Variants in POLD1 observed in about 807,000 individuals in gnomAD.
POLD1 encodes the protein DNA polymerase delta catalytic subunit.
In POLD1, 79 loss-of-function variants were observed where a neutral mutation model predicts 129.7. That is an observed-to-expected ratio of 0.61 (90% CI 0.51 to 0.73). The LOEUF (loss-of-function observed/expected upper bound fraction) is 0.73. Ranked by LOEUF, POLD1 falls within the 30% of genes least tolerant of loss-of-function variation. POLD1 has a pLI of 0.00. For synonymous variants in POLD1, 714 were observed against 683.3 expected (o/e 1.04, Z -0.70); for missense variants, 1,338 against 1,595.8 (o/e 0.84, Z 2.75).
rs567133743 is a variant in POLD1, at chr19:50,417,280, T to C, written c.3218+11T>C. 6.4e-6 allele frequency: 10 copies of C among 1,566,132 alleles called. No homozygotes were observed. The Admixed American group carries it at 1.2e-4, about 19-fold the overall frequency. On this transcript the variant is annotated intron_variant, in intron 26 of 26. Transcript: ENST00000440232. ...CGTCATCTGCACCAGGTGTGTGCCA[T>C]GTCCCGACCCTGGGCTGCCCCGCCC...
intron 1 of POLD1, among the ~76,000 whole-genome samples, chr19:50,387,325 G>A (rs559461140): frequency 6.6e-6 from 1 of 152,138 alleles, no homozygotes; most frequent in Admixed American, 6.5e-5. Flanking sequence ...GGCAAGATTG[G>A]ATGAGGTCAT....
rs529612204 is a variant in POLD1 at position 50,385,578 on chromosome 19, G to T, written c.-2+1188G>T. Among the ~76,000 whole-genome samples the T allele has an allele frequency of 2.7e-5, 4 of 149,136 alleles. No homozygotes were observed. The East Asian group carries it at 7.9e-4, about 29-fold the overall frequency. ...GAGTCTTGCTCTGTCACCCAGGCTG[G>T]AATGCAGTGGTGCAAACTCAGCTCA... On this transcript the variant is annotated intron_variant, in intron 1 of 26. Transcript: ENST00000440232.
At chr19:50,388,031 C>G (rs1222289000) in intron 1 of POLD1, among the ~76,000 whole-genome samples, 1 of 152,212 alleles carries the variant, frequency 6.6e-6, no homozygotes, top group Non-Finnish European at 1.5e-5. Context: ...CCGCCACACA[C>G]ATGAGCGATG....
rs34487979 is a variant in POLD1, at chr19:50,388,825, CTTTTTTTTTT to C, written c.-2+4451_-2+4460del. On this transcript the variant is annotated intron_variant, in intron 1 of 26. Coordinates refer to ENST00000440232, the MANE Select transcript of POLD1 (RefSeq NM_002691.4). The stretch of plus-strand genomic sequence containing the variant: ...CCTCTGAAAACTCCAGCAGTTAACT[CTTTTTTTTTT>C]TTTTTTTTTTTTTTTGAGACGGAGT... 6.0e-3 allele frequency among the ~76,000 whole-genome samples: 536 copies of C among 88,932 alleles called. 4 individuals carry two copies. Among genetic ancestry groups the C allele is most frequent in the Middle Eastern group, 0.025 (2 of 80 alleles). 58.3% of individuals were successfully genotyped at this position (88,932 alleles called of 152,430 possible). A position where few individuals can be genotyped will look rare whatever the true frequency, so the allele number is the denominator to read the frequency against.
intron 17 of POLD1, among the ~76,000 whole-genome samples, chr19:50,411,677 A>G (rs928120073): frequency 2.0e-5 from 3 of 152,144 alleles, no homozygotes; most frequent in African/African-American, 7.2e-5. Context: ...TGTCTCTATT[A>G]AAAATACAAA....
chr19:50,395,805 G>T (rs1354784225), intron 1 of POLD1, among the ~76,000 whole-genome samples: 1 of 148,734 alleles, frequency 6.7e-6, no homozygotes, highest in Non-Finnish European at 1.5e-5. Context: ...TATTCTTATT[G>T]AACCACAATA....
intron 10 of POLD1, among the ~76,000 whole-genome samples, chr19:50,404,026 CCG>C (rs1342473481): frequency 6.6e-6 from 1 of 152,074 alleles, no homozygotes; most frequent in African/African-American, 2.4e-5. Flanking sequence ...ATTCCTCTGC[CCG>C]AGTTGCTGTA....
Position 50,415,686 on chromosome 19 carries a change from A to G in POLD1, c.2718-38A>G, listed in dbSNP as rs771867309. ...ACCCTCGCCCCCACCCCCGCCACCC[A>G]CCTGCCCTCACCCACCCGCCACCCC... On this transcript the variant is annotated intron_variant, in intron 21 of 26. Coordinates refer to ENST00000440232, the MANE Select transcript of POLD1 (RefSeq NM_002691.4). 1.6e-5 allele frequency: 8 copies of G among 504,054 alleles called. No homozygotes were observed. Among genetic ancestry groups the G allele is most frequent in the South Asian group, 4.1e-5 (2 of 48,356 alleles). The allele number at this position is 504,054 out of a possible 1,614,324, so 31.2% of individuals were successfully genotyped here.
chr19:50,391,253 C>T (rs2038154708), intron 1 of POLD1, among the ~76,000 whole-genome samples: 1 of 150,958 alleles, frequency 6.6e-6, no homozygotes, highest in African/African-American at 2.5e-5. Flanking sequence ...ACTTCCCAGA[C>T]TGGGCGGCCA....
At chr19:50,408,730 G>A in intron 14 of POLD1, 55 bp from the exon 15 acceptor site, 1 of 1,599,314 alleles carries the variant, frequency 6.3e-7, no homozygotes, top group Non-Finnish European at 8.5e-7. Context: ...GACAGGGCGG[G>A]GGCGGCATGG....
intron 10 of POLD1, among the ~76,000 whole-genome samples, chr19:50,403,955 G>C (rs2038768303): frequency 6.6e-6 from 1 of 152,166 alleles, no homozygotes; most frequent in African/African-American, 2.4e-5. Context: ...GGAGGGGGGA[G>C]TGTGTTGACT....
rs2039161284 is a variant in POLD1 at position 50,413,505 on chromosome 19, A to G, written c.2234A>G (p.Tyr745Cys). 1.9e-6 allele frequency: 3 copies of G among 1,610,592 alleles called. No individual in the cohort carries two copies. Among genetic ancestry groups the G allele is most frequent in the Non-Finnish European group, 1.7e-6 (2 of 1,178,232 alleles). Residue 745 changes from tyrosine (Y) to cysteine (C), a missense_variant, in exon 18 of 27, where the codon TAC becomes TGC. By Grantham distance (194) the Tyr-to-Cys change is radical. Around this residue, in one of 3 missense-constraint regions of POLD1, gnomAD observed 720 missense variants for 1,002.6 expected, o/e 0.72. Transcript: ENST00000440232. ...VESKYTVENG[Y>C]STSAKVVYGD... ...TCTAAGTACACAGTGGAGAATGGCT[A>G]CAGCACCAGTGCCAAGGTCGGGGGC...
chr19:50,394,074 A>C lies in POLD1; in HGVS notation c.-1-4777A>C, dbSNP rs1488787599. 2.0e-5 allele frequency: 3 copies of C among 152,330 alleles called. No individual in the cohort carries two copies. In the East Asian group the frequency reaches 5.8e-4, roughly 29 times the overall value. 9.4% of individuals were successfully genotyped at this position (152,330 alleles called of 1,614,324 possible). On this transcript the variant is annotated intron_variant, in intron 1 of 26. Coordinates refer to ENST00000440232, the MANE Select transcript of POLD1 (RefSeq NM_002691.4). The stretch of plus-strand genomic sequence containing the variant: ...CGCTTTGGAAGATAGGCAAGTGTGC[A>C]GGGTTGGCAGACAGCTTTGCTCTGG...
Position 50,406,291 on chromosome 19 carries a change from T to C in POLD1, c.1352T>C (p.Met451Thr), listed in dbSNP as rs2122320747. 1 of 1,614,006 alleles carries C rather than the reference T, an allele frequency of 6.2e-7. No homozygotes were observed. The highest frequency in any genetic ancestry group is 8.5e-7 in the Non-Finnish European group (1 of 1,179,976). The change falls in exon 11 of 27, where the codon ATG becomes ACG. Residue 451 changes from methionine (M) to threonine (T), a missense_variant. This residue lies in a region of POLD1 where 720 missense variants were observed against 1,002.6 expected (regional missense o/e 0.72). Transcript: ENST00000440232. The surrounding 1 kb of genome is among the most constrained non-coding windows in gnomAD (Gnocchi z 5.5). ...TGRRDTKVVS[M>T]VGRVQMDMLQ... ...CGGCGGGACACCAAGGTTGTCAGCATGGTGGGCCGCGTGCAGATGGACATG... is the reference window on the plus strand; with the variant it reads ...CGGCGGGACACCAAGGTTGTCAGCACGGTGGGCCGCGTGCAGATGGACATG...
chr19:50,384,634 C>T (rs973592630), intron 1 of POLD1, among the ~76,000 whole-genome samples: 203 of 150,302 alleles, frequency 1.4e-3, no homozygotes, highest in African/African-American at 4.9e-3. Context: ...TGGGGCGGGA[C>T]GTGGCCCGGG....
intron 10 of POLD1, among the ~76,000 whole-genome samples, chr19:50,405,036 A>C (rs1437797916): frequency 1.3e-5 from 2 of 151,922 alleles, no homozygotes; most frequent in Non-Finnish European, 2.9e-5. Flanking sequence ...AAGTGCTGGG[A>C]TTACAGGCGT....
At position 50,402,633 on chromosome 19, in the gene POLD1, G is replaced by A. The variant is rs1060501857; in HGVS notation, c.862G>A (p.Ala288Thr). 1.4e-5 allele frequency: 22 copies of A among 1,577,152 alleles called. No homozygotes were observed. The highest frequency in any genetic ancestry group is 1.7e-5 in the Non-Finnish European group (20 of 1,160,776). ...KEKATQCQLE[A>T]DVLWSDVVSH... ...ACAGGCTACGCAGTGCCAGCTGGAG[G>A]CGGACGTGCTGTGGTCTGACGTGGT... Residue 288 changes from alanine to threonine, a missense_variant, in exon 8 of 27, where the codon GCG (alanine) becomes ACG (threonine). Around this residue, in one of 3 missense-constraint regions of POLD1, gnomAD observed 720 missense variants for 1,002.6 expected, o/e 0.72. Transcript: ENST00000440232.
intron 1 of POLD1, among the ~76,000 whole-genome samples, chr19:50,389,883 G>A (rs1354939587): frequency 6.7e-6 from 1 of 148,420 alleles, no homozygotes; most frequent in Non-Finnish European, 1.5e-5. Context: ...ACCATGTCCA[G>A]CCTGTTTTTT....
intron 14 of POLD1, among the ~76,000 whole-genome samples, chr19:50,407,797 G>T (rs191247011): frequency 2.1e-5 from 3 of 142,958 alleles, no homozygotes; most frequent in Non-Finnish European, 3.0e-5. Context: ...GGATGGTCTC[G>T]ATCTGACCTC....
Sources: allele counts gnomAD v4.1 joint callset (sites outside exome capture counted in the v4.1 genomes callset), GRCh38; gene constraint gnomAD v4.1.1; regional missense constraint gnomAD v4.1.1; non-coding constraint Gnocchi (gnomAD v3.1); transcripts MANE v1.5; gene names NCBI Gene and HGNC (gene_info 2026-07-23, HGNC 2026-07-21).